Variants in MAOB observed in about 807,000 individuals in gnomAD.
MAOB encodes the protein amine oxidase [flavin-containing] B.
In MAOB, 15 loss-of-function variants were observed where a neutral mutation model predicts 41.9. The observed-to-expected ratio is 0.36, with a 90% CI of 0.24 to 0.55. The LOEUF is 0.55. Among genes scored for constraint, MAOB ranks in the 20% least tolerant of loss-of-function variants. The pLI is 0.86. For synonymous variants in MAOB, 167 were observed against 144.2 expected (o/e 1.16, Z -1.13); for missense variants, 345 against 398.7 (o/e 0.87, Z 1.15).
chrX:43,832,544 A>G (rs1390804450), intron 3 of MAOB, among the ~76,000 whole-genome samples: 1 of 111,373 alleles, frequency 9.0e-6, no homozygotes, highest in Non-Finnish European at 1.9e-5. Flanking sequence ...CTTTATGATG[A>G]TCCACCTCCT....
At chrX:43,788,276 A>G (rs1274991249) in intron 8 of MAOB, among the ~76,000 whole-genome samples, 2 of 111,561 alleles carry the variant, frequency 1.8e-5, no homozygotes, top group African/African-American at 3.3e-5. Flanking sequence ...GACGGCACCA[A>G]GATGTTCAGG....
intron 3 of MAOB, among the ~76,000 whole-genome samples, chrX:43,813,679 C>T (rs1254258550): frequency 8.9e-6 from 1 of 111,799 alleles, no homozygotes; most frequent in Non-Finnish European, 1.9e-5. Flanking sequence ...TAGTCCAGTC[C>T]ATCCTCTAAT....
chrX:43,785,938 G>A (rs1165514496), intron 8 of MAOB, among the ~76,000 whole-genome samples: 1 of 112,083 alleles, frequency 8.9e-6, no homozygotes, highest in Non-Finnish European at 1.9e-5. Context: ...AATAATGAAA[G>A]TTTGAAATAT....
At chrX:43,798,206 C>A (rs969570422) in intron 5 of MAOB, among the ~76,000 whole-genome samples, 3 of 111,932 alleles carry the variant, frequency 2.7e-5, no homozygotes, top group African/African-American at 9.7e-5. Context: ...GAATATCAAC[C>A]TATGAGAACA....
At chrX:43,850,667 T>G (rs1175175838) in intron 1 of MAOB, among the ~76,000 whole-genome samples, 1 of 112,239 alleles carries the variant, frequency 8.9e-6, no homozygotes, top group Non-Finnish European at 1.9e-5. Flanking sequence ...CCAAGCCTTC[T>G]CGGAAACATG....
intron 3 of MAOB, among the ~76,000 whole-genome samples, chrX:43,823,711 C>T (rs2034910950): frequency 9.0e-6 from 1 of 111,556 alleles, no homozygotes; most frequent in Non-Finnish European, 1.9e-5. Context: ...GCATCTGCCT[C>T]TTTCTTTTTC....
At chrX:43,782,145 G>A (rs1263553604) in intron 8 of MAOB, among the ~76,000 whole-genome samples, 1 of 110,859 alleles carries the variant, frequency 9.0e-6, no homozygotes, top group Non-Finnish European at 1.9e-5. Context: ...GATCAGAGCA[G>A]AACTGAAGGA....
chrX:43,772,612 T>C (rs1003431154), intron 12 of MAOB, among the ~76,000 whole-genome samples: 4 of 112,074 alleles, frequency 3.6e-5, no homozygotes, highest in Non-Finnish European at 7.5e-5. Flanking sequence ...TCCTCCCCCT[T>C]TGATCTGATT....
chrX:43,843,361 A>T (rs777722086), intron 2 of MAOB, among the ~76,000 whole-genome samples: 1,193 of 30,904 alleles, frequency 0.039, 15 homozygotes, highest in African/African-American at 0.2. Flanking sequence ...TCTGTCTCAC[A>T]CACACACACA....
chrX:43,775,900 C>T (rs1203598689), intron 11 of MAOB, among the ~76,000 whole-genome samples: 4 of 112,197 alleles, frequency 3.6e-5, no homozygotes, highest in Non-Finnish European at 7.5e-5. Flanking sequence ...AGCATTACTT[C>T]GAAAAGATAA....
intron 7 of MAOB, among the ~76,000 whole-genome samples, chrX:43,795,223 A>G (rs2147133889): frequency 9.0e-6 from 1 of 111,607 alleles, no homozygotes; most frequent in Admixed American, 9.5e-5. Flanking sequence ...TTCAAGTTTG[A>G]TTGATTTGCT....
At chrX:43,841,335 T>C (rs1327518933) in intron 2 of MAOB, among the ~76,000 whole-genome samples, 2 of 111,482 alleles carry the variant, frequency 1.8e-5, no homozygotes, top group East Asian at 2.8e-4. Flanking sequence ...TATTTATAAA[T>C]TGGTAAATAA....
chrX:43,842,326 A>G (rs2035146463), intron 2 of MAOB, among the ~76,000 whole-genome samples: 1 of 112,298 alleles, frequency 8.9e-6, no homozygotes, highest in Non-Finnish European at 1.9e-5. Context: ...ACCACTAATC[A>G]TTAGGGAAAT....
chrX:43,848,326 T>A (rs769782642), intron 1 of MAOB, among the ~76,000 whole-genome samples: 3 of 111,922 alleles, frequency 2.7e-5, no homozygotes, highest in South Asian at 3.7e-4. Flanking sequence ...AAAACTTTTT[T>A]AAAAAATTAA....
intron 11 of MAOB, among the ~76,000 whole-genome samples, chrX:43,777,450 G>A (rs185453687): frequency 3.6e-5 from 4 of 110,713 alleles, no homozygotes; most frequent in African/African-American, 1.3e-4. Flanking sequence ...TAGTTTATTT[G>A]CTGAGAAAGA....
chrX:43,769,250 T>C, intron 13 of MAOB, 57 bp downstream of exon 13: 1 of 1,111,114 alleles, frequency 9.0e-7, no homozygotes, highest in South Asian at 2.5e-5. Context: ...ATCTTTGACC[T>C]ACATGTCAGG....
intron 1 of MAOB, among the ~76,000 whole-genome samples, chrX:43,848,518 T>TA (rs1300315502): frequency 3.6e-5 from 4 of 110,890 alleles, no homozygotes; most frequent in African/African-American, 6.6e-5. Context: ...TTTTTTTTTT[T>TA]ATGTTGTTGT....
intron 1 of MAOB, among the ~76,000 whole-genome samples, chrX:43,849,474 C>A (rs1408220279): frequency 8.9e-6 from 1 of 112,658 alleles, no homozygotes; most frequent in Admixed American, 9.4e-5. Context: ...GTGTAAATTG[C>A]AAGAAGGCAC....
intron 1 of MAOB, among the ~76,000 whole-genome samples, chrX:43,867,951 T>C (rs1341107650): frequency 8.9e-6 from 1 of 112,500 alleles, no homozygotes; most frequent in Non-Finnish European, 1.9e-5. Flanking sequence ...TAAGTGCTAA[T>C]ATTTCTTTTT....
Sources: allele counts gnomAD v4.1 joint callset (sites outside exome capture counted in the v4.1 genomes callset), GRCh38; gene constraint gnomAD v4.1.1; transcripts MANE v1.5; gene names NCBI Gene and HGNC (gene_info 2026-07-23, HGNC 2026-07-21).